Variants in AKAP6 observed in about 807,000 individuals in gnomAD.
AKAP6 encodes A-kinase anchoring protein 6.
AKAP6 carries 58 observed loss-of-function variants against 188.5 expected under a neutral mutation model. That is an observed-to-expected ratio of 0.31 (90% CI 0.25 to 0.38). AKAP6 has a LOEUF of 0.38. Ranked by LOEUF, AKAP6 falls within the 10% of genes least tolerant of loss-of-function variation. The probability of loss-of-function intolerance (pLI) is 1.00; values close to 1 mark genes in which losing one functional copy is unlikely to be tolerated. For missense variants in AKAP6, 2,710 were observed against 2,740.0 expected, an observed-to-expected ratio of 0.99 and a Z score of 0.24; for synonymous variants, 989 against 998.6, an observed-to-expected ratio of 0.99 and a Z score of 0.18.
chr14:32,558,455 A>G (rs1282918767), intron 4 of AKAP6, among the ~76,000 whole-genome samples: 1 of 152,222 alleles, frequency 6.6e-6, no homozygotes, highest in East Asian at 1.9e-4. Context: ...GAAGCATCAC[A>G]GGAGAGGGAA....
Position 32,824,718 on chromosome 14 carries a change from G to C in AKAP6, c.6905G>C (p.Cys2302Ser), listed in dbSNP as rs2034631409. Reference sequence around the variant, plus strand: ...CATCCCAGCCCCAAAACTTTAACCTGTGAAGAAAATCTTCTAAACCTTCAT... The same window carrying C: ...CATCCCAGCCCCAAAACTTTAACCTCTGAAGAAAATCTTCTAAACCTTCAT... The part of the protein sequence containing the change: ...ALHPSPKTLT[C>S]EENLLNLHEK... Residue 2302 changes from cysteine (C) to serine (S), a missense_variant, in exon 13 of 14, where the codon TGT becomes TCT. Around this residue, in one of 2 missense-constraint regions of AKAP6, gnomAD observed 2,473 missense variants for 2,426.1 expected, o/e 1.02. Coordinates refer to ENST00000280979, the MANE Select transcript of AKAP6 (RefSeq NM_004274.5). 5 of 1,613,230 alleles carry C rather than the reference G, an allele frequency of 3.1e-6. No individual in the cohort carries two copies. In the South Asian group the frequency reaches 3.3e-5, roughly 11 times the overall value.
In AKAP6 at chr14:32,773,766, G is replaced by A; in HGVS notation, c.3461G>A (p.Cys1154Tyr). ...CATCTTTTGGATGACCGGGAGACTT[G>A]CAATCTGAATGCAGACCACCAGCCC... The part of the protein sequence containing the change: ...CQHLLDDRET[C>Y]NLNADHQPMQ... The change falls in exon 12 of 14, where the codon TGC becomes TAC. Residue 1154 changes from cysteine to tyrosine, a missense_variant. Physicochemically the swap from Cys to Tyr is radical, Grantham distance 194. Transcript: ENST00000280979. The A allele has an allele frequency of 6.2e-7, 1 of 1,614,110 alleles. No individual in the cohort carries two copies. Among genetic ancestry groups the A allele is most frequent in the East Asian group, 2.2e-5 (1 of 44,892 alleles).
chr14:32,814,499 C>G (rs943056152), intron 12 of AKAP6, among the ~76,000 whole-genome samples: 1 of 152,134 alleles, frequency 6.6e-6, no homozygotes, highest in Non-Finnish European at 1.5e-5. Flanking sequence ...TGGAATCATA[C>G]AATATATGAC....
rs906420219 is a variant in AKAP6 at position 32,732,982 on chromosome 14, TTAAC to T, written c.3147+385_3147+388del. The T allele has an allele frequency of 9.0e-6, 3 of 334,824 alleles. No homozygotes were observed. In the Admixed American group the frequency reaches 1.3e-4, roughly 15 times the overall value. 20.7% of individuals were successfully genotyped at this position (334,824 alleles called of 1,614,324 possible). A position where few individuals can be genotyped will look rare whatever the true frequency, so the allele number is the denominator to read the frequency against. ...GGTACATGTGAGAGACATCTACTGTTTAACTATTTACTGTACCCTTAAGATGAAA... is the reference window on the plus strand; with the variant it reads ...GGTACATGTGAGAGACATCTACTGTTTATTTACTGTACCCTTAAGATGAAA... On this transcript the variant is annotated intron_variant, in intron 10 of 13. Coordinates refer to ENST00000280979, the MANE Select transcript of AKAP6 (RefSeq NM_004274.5).
chr14:32,786,498 T>G (rs12433493), intron 12 of AKAP6, among the ~76,000 whole-genome samples: 1 of 151,298 alleles, frequency 6.6e-6, no homozygotes, highest in Admixed American at 6.6e-5. Flanking sequence ...TTTTATTTTT[T>G]TATTTTTAGT....
At chr14:32,791,889 A>G (rs2033620813) in intron 12 of AKAP6, among the ~76,000 whole-genome samples, 1 of 152,086 alleles carries the variant, frequency 6.6e-6, no homozygotes, top group Non-Finnish European at 1.5e-5. Context: ...TCCTTTCCCC[A>G]TTGCTTCTTT....
intron 2 of AKAP6, among the ~76,000 whole-genome samples, chr14:32,492,846 G>T (rs1880109803): frequency 6.6e-6 from 1 of 152,064 alleles, no homozygotes; most frequent in African/African-American, 2.4e-5. Flanking sequence ...ATTCTTAAAG[G>T]ATATTCAAAT....
At chr14:32,731,969 G>C (rs1488359457) in intron 9 of AKAP6, among the ~76,000 whole-genome samples, 1 of 151,928 alleles carries the variant, frequency 6.6e-6, no homozygotes, top group Non-Finnish European at 1.5e-5. Context: ...TTTTCTCCAA[G>C]CCCACACAGA....
chr14:32,683,900 G>A (rs1333758602), intron 8 of AKAP6, among the ~76,000 whole-genome samples: 1 of 152,164 alleles, frequency 6.6e-6, no homozygotes, highest in Non-Finnish European at 1.5e-5. Context: ...AACAGCAATA[G>A]AAACTGAAAG....
At chr14:32,520,103 A>G (rs1262779380) in intron 2 of AKAP6, among the ~76,000 whole-genome samples, 1 of 152,234 alleles carries the variant, frequency 6.6e-6, no homozygotes, top group African/African-American at 2.4e-5. Context: ...ACTACTGGGT[A>G]CATAACTAAA....
chr14:32,609,171 A>C (rs1198177677), intron 7 of AKAP6, among the ~76,000 whole-genome samples: 4 of 152,062 alleles, frequency 2.6e-5, no homozygotes, highest in Non-Finnish European at 5.9e-5. Flanking sequence ...ACACACCTGC[A>C]CTCAGCACCC....
At chr14:32,346,254 C>T (rs1887062406) in intron 1 of AKAP6, among the ~76,000 whole-genome samples, 3 of 152,092 alleles carry the variant, frequency 2.0e-5, no homozygotes, top group Admixed American at 6.5e-5. Flanking sequence ...ACTTAGGGCC[C>T]TGTTTTCAGG....
chr14:32,704,321 G>A (rs1890727931), intron 9 of AKAP6, among the ~76,000 whole-genome samples: 1 of 152,118 alleles, frequency 6.6e-6, no homozygotes, highest in South Asian at 2.1e-4. Flanking sequence ...AATTAGATGG[G>A]AATGCGTAGT....
intron 2 of AKAP6, among the ~76,000 whole-genome samples, chr14:32,505,168 A>C (rs1260418090): frequency 6.6e-6 from 1 of 151,884 alleles, no homozygotes; most frequent in Non-Finnish European, 1.5e-5. Flanking sequence ...CATAATCATA[A>C]CTCTTAGAGC....
chr14:32,740,182 A>G (rs2031612673), intron 11 of AKAP6, among the ~76,000 whole-genome samples: 1 of 152,098 alleles, frequency 6.6e-6, no homozygotes. Flanking sequence ...TCTTTTGAGA[A>G]ATGGCTATTC....
intron 5 of AKAP6, among the ~76,000 whole-genome samples, chr14:32,584,856 T>C (rs1594762779): frequency 6.6e-6 from 1 of 152,356 alleles, no homozygotes; most frequent in Middle Eastern, 3.4e-3. Flanking sequence ...TAGTCTATTG[T>C]ATGGATATAC....
At chr14:32,819,537 C>T (rs2034467789) in intron 12 of AKAP6, among the ~76,000 whole-genome samples, 1 of 152,046 alleles carries the variant, frequency 6.6e-6, no homozygotes, top group Non-Finnish European at 1.5e-5. Context: ...GTCGTGAATC[C>T]CTTGTGGTTT....
chr14:32,637,290 A>C (rs1340458079), intron 7 of AKAP6, among the ~76,000 whole-genome samples: 8 of 152,128 alleles, frequency 5.3e-5, no homozygotes, highest in Non-Finnish European at 1.2e-4. Context: ...CTGTTGAAGA[A>C]GTAATGAGTG....
chr14:32,353,812 T>C (rs1041142862), intron 1 of AKAP6, among the ~76,000 whole-genome samples: 1 of 151,982 alleles, frequency 6.6e-6, no homozygotes, highest in African/African-American at 2.4e-5. Context: ...TATACGCCAA[T>C]AACAGACAAA....
Sources: allele counts gnomAD v4.1 joint callset (sites outside exome capture counted in the v4.1 genomes callset), GRCh38; gene constraint gnomAD v4.1.1; regional missense constraint gnomAD v4.1.1; transcripts MANE v1.5; gene names NCBI Gene and HGNC (gene_info 2026-07-23, HGNC 2026-07-21).